The following RALGAPB variants were observed in gnomAD, a reference collection of about 807,000 sequenced individuals.
The protein encoded by RALGAPB is ral GTPase-activating protein subunit beta.
A neutral mutation model predicts 161.1 loss-of-function variants in RALGAPB; 25 were observed. That is an observed-to-expected ratio of 0.16 (90% CI 0.11 to 0.22). RALGAPB has a LOEUF of 0.22. RALGAPB is among the 10% of genes least tolerant of loss of function. The pLI, the probability that RALGAPB is intolerant of heterozygous loss-of-function variation, is 1.00. For synonymous variants in RALGAPB, 629 were observed against 626.1 expected, an observed-to-expected ratio of 1.00 and a Z score of -0.07; for missense variants, 1,391 against 1,815.2, an observed-to-expected ratio of 0.77 and a Z score of 4.25.
At chr20:38,514,534 G>C (rs2086069332) in intron 6 of RALGAPB, among the ~76,000 whole-genome samples, 1 of 152,194 alleles carries the variant, frequency 6.6e-6, no homozygotes, top group Non-Finnish European at 1.5e-5. Context: ...AGCTGCGACT[G>C]GGTAGAAGGC....
At chr20:38,566,963 T>G in intron 25 of RALGAPB, 133 bp from the exon 26 acceptor site, 1 of 1,414,318 alleles carries the variant, frequency 7.1e-7, no homozygotes, top group Non-Finnish European at 9.2e-7. Flanking sequence ...GAAAAAAGTT[T>G]GTCAGCCCTT....
intron 21 of RALGAPB, 64 bp downstream of exon 21, chr20:38,551,287 G>A: frequency 6.5e-7 from 1 of 1,536,842 alleles, no homozygotes; most frequent in Non-Finnish European, 8.9e-7. Flanking sequence ...GACTTCCTTG[G>A]TCAAGACAAT....
At chr20:38,507,774 T>C (rs1350009897) in intron 5 of RALGAPB, among the ~76,000 whole-genome samples, 2 of 152,048 alleles carry the variant, frequency 1.3e-5, no homozygotes, top group Non-Finnish European at 2.9e-5. Context: ...CATGGCTCAT[T>C]GTAGCCTCGA....
At chr20:38,495,925 C>T (rs1294570392) in intron 3 of RALGAPB, among the ~76,000 whole-genome samples, 1 of 152,148 alleles carries the variant, frequency 6.6e-6, no homozygotes, top group African/African-American at 2.4e-5. Flanking sequence ...ATGTAGGAGG[C>T]ATGCACTCTT....
At position 38,567,251 on chromosome 20, in the gene RALGAPB, A is replaced by G. The variant is rs768196588; in HGVS notation, c.3954+19A>G. On this transcript the variant is annotated intron_variant, in intron 26 of 29. Transcript: ENST00000262879. Reference sequence around the variant, plus strand: ...ACAGAGGGTAAGTTACTTTGTTGATAGGTCTCCAAAATTTTGTAGTGAAAT... The same window carrying G: ...ACAGAGGGTAAGTTACTTTGTTGATGGGTCTCCAAAATTTTGTAGTGAAAT... The G allele has an allele frequency of 1.9e-6, 3 of 1,604,700 alleles. No individual in the cohort carries two copies. The highest frequency in any genetic ancestry group is 1.7e-6 in the Non-Finnish European group (2 of 1,175,970).
At chr20:38,525,266 G>C (rs534772643) in intron 11 of RALGAPB, 138 bp from the exon 12 acceptor site, 1 of 686,078 alleles carries the variant, frequency 1.5e-6, no homozygotes, top group African/African-American at 1.8e-5. Context: ...GTTTAATTCA[G>C]TAACAGTTTA....
intron 13 of RALGAPB, among the ~76,000 whole-genome samples, chr20:38,526,629 G>T (rs2086481002): frequency 6.6e-6 from 1 of 152,068 alleles, no homozygotes; most frequent in Non-Finnish European, 1.5e-5. Flanking sequence ...ACTTGCTAAA[G>T]ATTATCTTAT....
At chr20:38,516,526 A>T in intron 7 of RALGAPB, 156 bp downstream of exon 7, 1 of 727,136 alleles carries the variant, frequency 1.4e-6, no homozygotes, top group African/African-American at 1.8e-5. Context: ...CAAATAAAAT[A>T]GCCAGAGGGT....
intron 15 of RALGAPB, among the ~76,000 whole-genome samples, chr20:38,533,836 C>T (rs931403163): frequency 2.0e-5 from 3 of 152,014 alleles, no homozygotes; most frequent in Non-Finnish European, 4.4e-5. Context: ...CACATTTAAG[C>T]TAAATAAATT....
chr20:38,542,189 G>A (rs1568958348), intron 18 of RALGAPB, among the ~76,000 whole-genome samples: 1 of 152,172 alleles, frequency 6.6e-6, no homozygotes, highest in Non-Finnish European at 1.5e-5. Flanking sequence ...TGTAAAAGCA[G>A]AAAGGAGGAG....
At position 38,525,336 on chromosome 20, in the gene RALGAPB, A is replaced by G. The variant is rs2086426602; in HGVS notation, c.1788-68A>G. On this transcript the variant is annotated intron_variant, in intron 11 of 29. Coordinates refer to ENST00000262879, the MANE Select transcript of RALGAPB (RefSeq NM_020336.4). ...TTGGATTTGGAAAAATTGGCATTAT[A>G]TGTATTTGGCAGTAGCTAAAAATGT... 2.9e-6 allele frequency: 3 copies of G among 1,025,824 alleles called. No homozygotes were observed. The African/African-American group carries it at 4.9e-5, about 17-fold the overall frequency. 63.5% of individuals were successfully genotyped at this position (1,025,824 alleles called of 1,614,324 possible). A position where few individuals can be genotyped will look rare whatever the true frequency, so the allele number is the denominator to read the frequency against.
At chr20:38,479,198 A>G (rs1203554778) in intron 1 of RALGAPB, among the ~76,000 whole-genome samples, 2 of 152,154 alleles carry the variant, frequency 1.3e-5, no homozygotes, top group African/African-American at 2.4e-5. Context: ...TTTTGTTTAT[A>G]TTAGGATTTG....
intron 3 of RALGAPB, among the ~76,000 whole-genome samples, chr20:38,494,206 A>G (rs2085351613): frequency 6.6e-6 from 1 of 152,258 alleles, no homozygotes; most frequent in African/African-American, 2.4e-5. Flanking sequence ...ACTCAAAGGC[A>G]GGAACTCTGT....
chr20:38,546,025 A>G (rs1308551024), intron 18 of RALGAPB, among the ~76,000 whole-genome samples: 1 of 152,202 alleles, frequency 6.6e-6, no homozygotes, highest in Non-Finnish European at 1.5e-5. Context: ...AAATAAAGAC[A>G]TACAGGTATG....
intron 28 of RALGAPB, among the ~76,000 whole-genome samples, chr20:38,571,462 A>T (rs1388913661): frequency 6.6e-6 from 1 of 152,128 alleles, no homozygotes; most frequent in Non-Finnish European, 1.5e-5. Context: ...AAGTAATATC[A>T]TGTGGAATTT....
intron 28 of RALGAPB, among the ~76,000 whole-genome samples, 185 bp downstream of exon 28, chr20:38,571,032 T>A (rs1051861194): frequency 3.3e-5 from 5 of 152,228 alleles, no homozygotes; most frequent in African/African-American, 1.2e-4. Flanking sequence ...TGGATTTTTT[T>A]AAAACCACTT....
intron 1 of RALGAPB, among the ~76,000 whole-genome samples, chr20:38,475,107 C>T (rs1453015858): frequency 6.6e-6 from 1 of 152,158 alleles, no homozygotes; most frequent in Non-Finnish European, 1.5e-5. Flanking sequence ...CTATCACAAT[C>T]GGACGCAATC....
At position 38,516,438 on chromosome 20, in the gene RALGAPB, G is replaced by C. The variant is rs1367528203; in HGVS notation, c.1051+68G>C. Reference sequence around the variant, plus strand: ...TAGATAACTCTAGAGGCTAACCCTAGGAGTTATTAGAAAACATCCGAAGGA... The same window carrying C: ...TAGATAACTCTAGAGGCTAACCCTACGAGTTATTAGAAAACATCCGAAGGA... On this transcript the variant is annotated intron_variant, in intron 7 of 29. Coordinates refer to ENST00000262879, the MANE Select transcript of RALGAPB (RefSeq NM_020336.4). 3 of 1,342,318 alleles carry C rather than the reference G, an allele frequency of 2.2e-6. No individual in the cohort carries two copies. The African/African-American group carries it at 4.5e-5, about 20-fold the overall frequency. 83.2% of individuals were successfully genotyped at this position (1,342,318 alleles called of 1,614,324 possible).
At chr20:38,570,546 GAACAT>G (rs1053433102) in intron 27 of RALGAPB, among the ~76,000 whole-genome samples, 2 of 152,134 alleles carry the variant, frequency 1.3e-5, no homozygotes, top group Non-Finnish European at 2.9e-5. Flanking sequence ...AAAGATCACA[GAACAT>G]ATTTTCTAAA....
Sources: gnomAD v4.1 joint callset for allele counts (sites outside exome capture counted in the v4.1 genomes callset) on GRCh38, gnomAD v4.1.1 for gene constraint, MANE v1.5 for transcripts, NCBI Gene and HGNC (gene_info 2026-07-23, HGNC 2026-07-21) for gene names.